The following OPHN1 variants were observed in gnomAD, a reference collection of about 807,000 sequenced individuals.
OPHN1 encodes oligophrenin-1.
Under a neutral mutation model 60.7 loss-of-function variants are expected in OPHN1, and 11 were observed. The observed-to-expected ratio is 0.18, with a 90% confidence interval of 0.11 to 0.30. The LOEUF (loss-of-function observed/expected upper bound fraction) is 0.30. Ranked by LOEUF, OPHN1 falls within the 10% of genes least tolerant of loss-of-function variation. The pLI is 1.00. For synonymous variants in OPHN1, 226 were observed against 222.6 expected, an observed-to-expected ratio of 1.02 and a Z score of -0.14; for missense variants, 449 against 611.0, an observed-to-expected ratio of 0.73 and a Z score of 2.80.
chrX:68,225,083 A>C (rs1420781256), intron 6 of OPHN1, among the ~76,000 whole-genome samples: 1 of 112,318 alleles, frequency 8.9e-6, no homozygotes, highest in East Asian at 2.8e-4. Context: ...TATACCATGC[A>C]TGGTGCAGAG....
intron 5 of OPHN1, among the ~76,000 whole-genome samples, chrX:68,236,942 G>T (rs970043398): frequency 3.6e-5 from 4 of 112,104 alleles, no homozygotes; most frequent in Non-Finnish European, 7.5e-5. Context: ...CTATCTTTAT[G>T]TCAGCACCAC....
intron 2 of OPHN1, among the ~76,000 whole-genome samples, chrX:68,420,307 A>G (rs748889381): frequency 2.8e-4 from 32 of 112,292 alleles, no homozygotes; most frequent in African/African-American, 9.7e-4. Context: ...GAATACACAG[A>G]AAATCTAAGT....
At chrX:68,307,287 A>AT (rs201196642) in intron 2 of OPHN1, among the ~76,000 whole-genome samples, 4,361 of 104,638 alleles carry the variant, frequency 0.042, 229 homozygotes, top group African/African-American at 0.15. Context: ...TACCAAAAAA[A>AT]AAATAATAAT....
At chrX:68,360,346 T>G (rs2078465903) in intron 2 of OPHN1, among the ~76,000 whole-genome samples, 1 of 110,092 alleles carries the variant, frequency 9.1e-6, no homozygotes, top group Admixed American at 9.8e-5. Context: ...CCCAGCTAAT[T>G]TTGAAAATTT....
At chrX:68,279,257 T>C (rs1318417617) in intron 4 of OPHN1, among the ~76,000 whole-genome samples, 9 of 104,617 alleles carry the variant, frequency 8.6e-5, no homozygotes, top group African/African-American at 1.7e-4. Context: ...GGACTAGAGA[T>C]GCACGATAAC....
At chrX:68,328,407 C>T (rs1273428959) in intron 2 of OPHN1, among the ~76,000 whole-genome samples, 4 of 112,894 alleles carry the variant, frequency 3.5e-5, no homozygotes, top group African/African-American at 1.3e-4. Flanking sequence ...GGACTGCAGG[C>T]GTGAGCCACC....
At chrX:68,183,664 A>T (rs1192930408) in intron 15 of OPHN1, among the ~76,000 whole-genome samples, 5 of 100,377 alleles carry the variant, frequency 5.0e-5, no homozygotes, top group African/African-American at 8.0e-5. Flanking sequence ...TCACATCTTT[A>T]AAAAAAATAC....
chrX:68,178,252 T>C (rs2077422392), intron 15 of OPHN1, among the ~76,000 whole-genome samples: 1 of 111,901 alleles, frequency 8.9e-6, no homozygotes, highest in African/African-American at 3.2e-5. Context: ...AGTTCAAAAT[T>C]CAAATTGTGC....
intron 2 of OPHN1, among the ~76,000 whole-genome samples, chrX:68,403,295 G>A (rs1465935824): frequency 9.0e-6 from 1 of 111,367 alleles, no homozygotes; most frequent in East Asian, 2.8e-4. Context: ...ATACAGAACC[G>A]GTGTCAAATG....
At chrX:68,372,401 C>A (rs1273193861) in intron 2 of OPHN1, among the ~76,000 whole-genome samples, 2 of 111,222 alleles carry the variant, frequency 1.8e-5, no homozygotes, top group Non-Finnish European at 1.9e-5. Flanking sequence ...TGGTCAAAAT[C>A]AAAAATGTTG....
rs781461887 is a variant in OPHN1 at position 68,366,023 on chromosome X, C to T, written c.154+66844G>A. Among the ~76,000 whole-genome samples, 8 of 109,137 alleles carry T rather than the reference C, an allele frequency of 7.3e-5. No homozygotes were observed. In the South Asian group the frequency reaches 3.2e-3, roughly 44 times the overall value. The allele number at this position is 109,137 out of a possible 115,157, so 94.8% of individuals were successfully genotyped here. A position where few individuals can be genotyped will look rare whatever the true frequency, so the allele number is the denominator to read the frequency against. On this transcript the variant is annotated intron_variant, in intron 2 of 24. Transcript: ENST00000355520. The stretch of plus-strand genomic sequence containing the variant: ...CCTCCTATTCTTCTCACTTTGAGCA[C>T]ATTGCTGACGAAAATCTAACACACC...
intron 21 of OPHN1, among the ~76,000 whole-genome samples, chrX:68,061,795 C>T (rs1031998003): frequency 9.0e-6 from 1 of 111,367 alleles, no homozygotes; most frequent in Non-Finnish European, 1.9e-5. Context: ...CAAACCAGAG[C>T]ATTCAGAGTC....
intron 15 of OPHN1, among the ~76,000 whole-genome samples, chrX:68,121,965 C>A (rs1255250356): frequency 3.7e-5 from 4 of 108,887 alleles, no homozygotes; most frequent in African/African-American, 1.0e-4. Context: ...CCAGTCCTGG[C>A]AGGACCCATC....
chrX:68,135,240 T>C (rs1486226284), intron 15 of OPHN1, among the ~76,000 whole-genome samples: 1 of 111,804 alleles, frequency 8.9e-6, no homozygotes, highest in Non-Finnish European at 1.9e-5. Flanking sequence ...AACATTATTC[T>C]TTGCACATTT....
At chrX:68,071,960 G>A (rs1168742905) in intron 20 of OPHN1, among the ~76,000 whole-genome samples, 1 of 112,125 alleles carries the variant, frequency 8.9e-6, no homozygotes, top group African/African-American at 3.2e-5. Flanking sequence ...GGCTTACAGT[G>A]ATAGAAGCAG....
chrX:68,366,456 G>A (rs1403126974), intron 2 of OPHN1, among the ~76,000 whole-genome samples: 1 of 110,561 alleles, frequency 9.0e-6, no homozygotes, highest in African/African-American at 3.3e-5. Flanking sequence ...AGCCTCCCAA[G>A]TAGCTGGAAC....
intron 5 of OPHN1, among the ~76,000 whole-genome samples, chrX:68,273,476 G>A (rs2077978851): frequency 8.9e-6 from 1 of 111,859 alleles, no homozygotes; most frequent in South Asian, 3.7e-4. Flanking sequence ...AGATCCATGT[G>A]ATGGTCAAGC....
intron 2 of OPHN1, among the ~76,000 whole-genome samples, chrX:68,422,523 AAAAG>A (rs1365524663): frequency 3.9e-5 from 4 of 102,620 alleles, no homozygotes; most frequent in Admixed American, 1.1e-4. Flanking sequence ...AAGAGAAAGA[AAAAG>A]AAAGAAAGAA....
At chrX:68,408,916 G>A (rs995527083) in intron 2 of OPHN1, among the ~76,000 whole-genome samples, 15 of 112,577 alleles carry the variant, frequency 1.3e-4, no homozygotes, top group Non-Finnish European at 2.4e-4. Context: ...AGCCAAGATC[G>A]TGCTACTGCA....
Sources: allele counts gnomAD v4.1 joint callset (sites outside exome capture counted in the v4.1 genomes callset), GRCh38; gene constraint gnomAD v4.1.1; transcripts MANE v1.5; gene names NCBI Gene and HGNC (gene_info 2026-07-23, HGNC 2026-07-21).